Variants in EPB41L5 observed in about 807,000 individuals in gnomAD.
The protein encoded by EPB41L5 is erythrocyte membrane protein band 4.1 like 5.
A neutral mutation model predicts 106.6 loss-of-function variants in EPB41L5; 55 were observed. The ratio of observed to expected loss-of-function variants is 0.52; its 90% CI spans 0.42 to 0.65. The LOEUF (loss-of-function observed/expected upper bound fraction) is 0.65. EPB41L5 is among the 30% of genes least tolerant of loss of function. The pLI is 0.00. For synonymous variants in EPB41L5, 297 were observed against 306.7 expected, an observed-to-expected ratio of 0.97 and a Z score of 0.33; for missense variants, 871 against 882.1, an observed-to-expected ratio of 0.99 and a Z score of 0.16.
intron 3 of EPB41L5, among the ~76,000 whole-genome samples, chr2:120,053,850 C>T (rs148259607): frequency 1.1e-4 from 16 of 152,190 alleles, no homozygotes; most frequent in Non-Finnish European, 2.2e-4. Flanking sequence ...TTGCTTGAGC[C>T]CAGGAGTTCG....
At chr2:120,102,220 A>C (rs974175929) in intron 16 of EPB41L5, among the ~76,000 whole-genome samples, 2 of 152,184 alleles carry the variant, frequency 1.3e-5, no homozygotes, top group African/African-American at 4.8e-5. Context: ...GAATAGGTAC[A>C]TATTTAAACC....
At chr2:120,101,473 G>C (rs1684137004) in intron 16 of EPB41L5, 1 of 152,310 alleles carries the variant, frequency 6.6e-6, no homozygotes, top group Admixed American at 6.5e-5. Context: ...GGGGCTCCTT[G>C]GGGATTATTT....
Position 120,127,800 on chromosome 2 carries a change from A to G in EPB41L5, c.1450A>G (p.Asn484Asp). 1 of 1,613,206 alleles carries G rather than the reference A, an allele frequency of 6.2e-7. No homozygotes were observed. The highest frequency in any genetic ancestry group is 8.5e-7 in the Non-Finnish European group (1 of 1,179,390). ...METSQALNDV[N>D]VATRLPGLGE... ...AACATCCCAAGCACTGAATGACGTT[A>G]ATGTAGCCACCAGGCTTCCGGGATT... Residue 484 changes from asparagine (N) to aspartate (D), a missense_variant, in exon 17 of 25, where the codon AAT (asparagine) becomes GAT (aspartate). Asn to Asp is a conservative substitution (Grantham distance 23). Transcript: ENST00000263713.
At chr2:120,045,439 GA>G (rs1264202677) in intron 3 of EPB41L5, among the ~76,000 whole-genome samples, 1 of 152,146 alleles carries the variant, frequency 6.6e-6, no homozygotes, top group African/African-American at 2.4e-5. Flanking sequence ...CCATGTGAGA[GA>G]GAGTTATAGT....
intron 3 of EPB41L5, among the ~76,000 whole-genome samples, chr2:120,051,270 AG>A (rs1680263977): frequency 6.6e-6 from 1 of 152,216 alleles, no homozygotes; most frequent in Non-Finnish European, 1.5e-5. Flanking sequence ...CTACAGAGGC[AG>A]GCAGGCCTCC....
At chr2:120,089,127 G>A (rs1231477365) in intron 11 of EPB41L5, among the ~76,000 whole-genome samples, 1 of 151,974 alleles carries the variant, frequency 6.6e-6, no homozygotes, top group East Asian at 1.9e-4. Context: ...ATCAAATCAG[G>A]GTAATTAGCG....
intron 2 of EPB41L5, among the ~76,000 whole-genome samples, chr2:120,037,344 C>T (rs934557843): frequency 2.0e-5 from 3 of 152,056 alleles, no homozygotes; most frequent in Non-Finnish European, 1.5e-5. Flanking sequence ...CCAAAGTGAT[C>T]CATAGATTAA....
chr2:120,026,455 G>C (rs1678320781), intron 2 of EPB41L5, among the ~76,000 whole-genome samples: 1 of 152,088 alleles, frequency 6.6e-6, no homozygotes. Flanking sequence ...TGCGATCTCT[G>C]CCTCCTGGCT....
At chr2:120,104,578 C>A in intron 16 of EPB41L5, 1 of 1,000,170 alleles carries the variant, frequency 1.0e-6, no homozygotes, top group Non-Finnish European at 1.2e-6. Context: ...CATTATTCCC[C>A]CACCACATGC....
In EPB41L5 at chr2:120,066,765, T is replaced by TCCCA. The variant is rs545227915; in HGVS notation, c.286-6412_286-6409dup. ...GACCAGCCATGGAATATAGGACAAC[T>TCCCA]CCCAGTTCCATGGTTTTGGGGAGAA... On this transcript the variant is annotated intron_variant, in intron 3 of 24. Coordinates refer to ENST00000263713, the MANE Select transcript of EPB41L5 (RefSeq NM_020909.4). Among the ~76,000 whole-genome samples the TCCCA allele has an allele frequency of 8.7e-4, 133 of 152,342 alleles. 1 individual carries two copies. The highest frequency in any genetic ancestry group is 3.0e-3 in the African/African-American group (123 of 41,590).
intron 20 of EPB41L5, among the ~76,000 whole-genome samples, chr2:120,146,508 C>T (rs1225108709): frequency 6.6e-6 from 1 of 152,136 alleles, no homozygotes; most frequent in East Asian, 1.9e-4. Flanking sequence ...TCAACTGATT[C>T]GAACCAACAG....
chr2:120,145,935 G>A (rs1392541188), intron 19 of EPB41L5, among the ~76,000 whole-genome samples: 3 of 101,890 alleles, frequency 2.9e-5, no homozygotes, highest in African/African-American at 1.2e-4. Context: ...GACAGAGTGA[G>A]ACTCAATCTC....
intron 10 of EPB41L5, among the ~76,000 whole-genome samples, chr2:120,086,882 A>G (rs1453293554): frequency 1.3e-5 from 2 of 152,172 alleles, no homozygotes; most frequent in Non-Finnish European, 2.9e-5. Flanking sequence ...GACCTAAAGA[A>G]TCTCTTACAC....
chr2:120,028,227 C>T (rs1348676115), intron 2 of EPB41L5, among the ~76,000 whole-genome samples: 1 of 151,592 alleles, frequency 6.6e-6, no homozygotes, highest in Non-Finnish European at 1.5e-5. Flanking sequence ...TTATTCCACT[C>T]AAGATTTTTT....
intron 3 of EPB41L5, among the ~76,000 whole-genome samples, chr2:120,064,944 T>C (rs1681342822): frequency 6.6e-6 from 1 of 152,118 alleles, no homozygotes; most frequent in South Asian, 2.1e-4. Flanking sequence ...CACCCAGAAC[T>C]CCCACAGCTC....
At chr2:120,104,061 CTCT>C in intron 16 of EPB41L5, 3 of 1,532,346 alleles carry the variant, frequency 2.0e-6, no homozygotes. Context: ...ACCATCCAGG[CTCT>C]CTGCTGCCAG....
chr2:120,139,281 A>G (rs1686070735), intron 18 of EPB41L5, among the ~76,000 whole-genome samples: 3 of 152,002 alleles, frequency 2.0e-5, no homozygotes. Flanking sequence ...GATTTCTTGA[A>G]TAATATCCCA....
At position 120,041,391 on chromosome 2, in the gene EPB41L5, T is replaced by C. The variant is rs192421216; in HGVS notation, c.181-615T>C. On this transcript the variant is annotated intron_variant, in intron 2 of 24. Transcript: ENST00000263713. The stretch of plus-strand genomic sequence containing the variant: ...GATCATGAGACCACATTTTGAGAAC[T>C]GCTTTTTCCATACAAAGTTTCTTTC... 2.0e-5 allele frequency among the ~76,000 whole-genome samples: 3 copies of C among 152,286 alleles called. No individual in the cohort carries two copies. The East Asian group carries it at 5.8e-4, about 29-fold the overall frequency.
At chr2:120,103,863 A>C (rs921177068) in intron 16 of EPB41L5, among the ~76,000 whole-genome samples, 1 of 152,112 alleles carries the variant, frequency 6.6e-6, no homozygotes, top group Admixed American at 6.5e-5. Context: ...GGTATTTTTC[A>C]TTACATGTAA....
Sources: allele counts gnomAD v4.1 joint callset (sites outside exome capture counted in the v4.1 genomes callset), GRCh38; gene constraint gnomAD v4.1.1; transcripts MANE v1.5; gene names NCBI Gene and HGNC (gene_info 2026-07-23, HGNC 2026-07-21).